MEGF11: variants seen among roughly 807,000 people sequenced by gnomAD.
MEGF11 encodes multiple epidermal growth factor-like domains protein 11.
Under a neutral mutation model 146.6 loss-of-function variants are expected in MEGF11, and 126 were observed. That is an observed-to-expected ratio of 0.86 (90% CI 0.74 to 1.00). The LOEUF is 1.00. MEGF11 is among the 50% of genes least tolerant of loss of function. The pLI is 0.00. For synonymous variants in MEGF11, 532 were observed against 583.4 expected (o/e 0.91, Z 1.27); for missense variants, 1,509 against 1,521.2 (o/e 0.99, Z 0.13).
chr15:66,003,363 C>T (rs1322934799), intron 5 of MEGF11, among the ~76,000 whole-genome samples: 1 of 152,204 alleles, frequency 6.6e-6, no homozygotes, highest in Non-Finnish European at 1.5e-5. Context: ...TTGTCTTTTC[C>T]CTGCCATGTG....
At chr15:65,985,757 G>T (rs1161778419) in intron 5 of MEGF11, among the ~76,000 whole-genome samples, 2 of 151,934 alleles carry the variant, frequency 1.3e-5, no homozygotes, top group African/African-American at 4.8e-5. Context: ...CCCTATTGGG[G>T]TGCACAGTCT....
chr15:65,916,302 G>A (rs113008166), intron 17 of MEGF11, 26 bp from the exon 18 acceptor site: 22 of 1,544,394 alleles, frequency 1.4e-5, no homozygotes, highest in African/African-American at 1.1e-4. Flanking sequence ...TTCCAGTCAC[G>A]AGAGTTGCTG....
intron 1 of MEGF11, among the ~76,000 whole-genome samples, chr15:66,220,770 C>T (rs2091715770): frequency 6.6e-6 from 1 of 152,098 alleles, no homozygotes; most frequent in South Asian, 2.1e-4. Flanking sequence ...CTTCTGGGCT[C>T]AAGTGATCCT....
chr15:65,903,024 A>G (rs747461658), intron 24 of MEGF11, among the ~76,000 whole-genome samples: 1 of 152,114 alleles, frequency 6.6e-6, no homozygotes, highest in Non-Finnish European at 1.5e-5. Context: ...GCTTGCTACT[A>G]TTAATAGAAG....
At chr15:65,999,647 G>C (rs765041622) in intron 5 of MEGF11, among the ~76,000 whole-genome samples, 129 of 152,258 alleles carry the variant, frequency 8.5e-4, no homozygotes, top group Non-Finnish European at 1.5e-3. Flanking sequence ...ATAAAATGGG[G>C]CTCTTGTGTG....
chr15:66,049,817 C>A (rs968490234), intron 5 of MEGF11, among the ~76,000 whole-genome samples: 2 of 152,196 alleles, frequency 1.3e-5, no homozygotes, highest in African/African-American at 4.8e-5. Flanking sequence ...TGCCTTCTGG[C>A]CAAGAACCCA....
intron 1 of MEGF11, among the ~76,000 whole-genome samples, chr15:66,236,063 G>T (rs529760889): frequency 1.3e-5 from 2 of 152,202 alleles, no homozygotes; most frequent in South Asian, 4.1e-4. Context: ...TTCAGGGAAG[G>T]CTTCCTGGAG....
At chr15:66,047,385 C>T (rs745813987) in intron 5 of MEGF11, among the ~76,000 whole-genome samples, 18 of 152,282 alleles carry the variant, frequency 1.2e-4, no homozygotes, top group Admixed American at 5.2e-4. Flanking sequence ...CCTAGCTAGG[C>T]GAGTTACATG....
In MEGF11 at chr15:65,956,713, C is replaced by T. The variant is rs535565709; in HGVS notation, c.1287+834G>A. ...CAATGTCAAGTTCCCCAGAAACAAACCTCATAAAGACCAGCATAATTCATG... is the reference window on the plus strand; with the variant it reads ...CAATGTCAAGTTCCCCAGAAACAAATCTCATAAAGACCAGCATAATTCATG... On this transcript the variant is annotated intron_variant, in intron 10 of 25. Transcript: ENST00000395614. Among the ~76,000 whole-genome samples the T allele has an allele frequency of 2.0e-5, 3 of 152,312 alleles. No individual in the cohort carries two copies. In the South Asian group the frequency reaches 6.2e-4, roughly 32 times the overall value.
At chr15:66,173,743 C>T (rs375025237) in intron 1 of MEGF11, among the ~76,000 whole-genome samples, 13 of 152,284 alleles carry the variant, frequency 8.5e-5, no homozygotes, top group East Asian at 7.7e-4. Context: ...GGGACAACTC[C>T]GAGCCCTGCG....
intron 5 of MEGF11, among the ~76,000 whole-genome samples, chr15:66,046,466 T>C (rs906916659): frequency 4.6e-5 from 7 of 152,230 alleles, no homozygotes; most frequent in Non-Finnish European, 1.0e-4. Flanking sequence ...AGAGCTCAGC[T>C]GAAGCCGAAG....
intron 3 of MEGF11, among the ~76,000 whole-genome samples, chr15:66,120,429 AG>A (rs2087966015): frequency 6.6e-6 from 1 of 152,112 alleles, no homozygotes. Flanking sequence ...TCAGCACCCA[AG>A]GGGAGCTTGC....
chr15:65,912,347 C>T, intron 20 of MEGF11, 147 bp from the exon 21 acceptor site: 1 of 421,512 alleles, frequency 2.4e-6, no homozygotes, highest in East Asian at 3.6e-5. Flanking sequence ...TCCTGGCATC[C>T]ACTACTCCTA....
chr15:65,901,253 G>A (rs1330787207), intron 24 of MEGF11, among the ~76,000 whole-genome samples: 1 of 152,138 alleles, frequency 6.6e-6, no homozygotes, highest in Non-Finnish European at 1.5e-5. Flanking sequence ...AGGCAATAAG[G>A]CACAGAGCTT....
Position 65,916,279 on chromosome 15 carries a change from A to G in MEGF11, c.2216-3T>C, listed in dbSNP as rs377576849. On this transcript the variant is annotated splice_polypyrimidine_tract_variant and splice_region_variant and intron_variant, in intron 17 of 25. Transcript: ENST00000395614. ...CCCAAAAAATGCTGCTGGGCAGCCT[A>G]GAGAAACAGGATTTCCAGTCACGAG... is the stretch of plus-strand genomic sequence containing the variant. 9 of 1,553,720 alleles carry G rather than the reference A, an allele frequency of 5.8e-6. No homozygotes were observed. The highest frequency in any genetic ancestry group is 7.8e-6 in the Non-Finnish European group (9 of 1,148,232).
chr15:65,982,162 C>A lies in MEGF11; in HGVS notation c.641+80G>T. 9 of 1,334,660 alleles carry A rather than the reference C, an allele frequency of 6.7e-6. No individual in the cohort carries two copies. Among genetic ancestry groups the A allele is most frequent in the Non-Finnish European group, 8.0e-6 (8 of 1,003,632 alleles). 82.7% of individuals were successfully genotyped at this position (1,334,660 alleles called of 1,614,324 possible). On this transcript the variant is annotated intron_variant, in intron 6 of 25. Transcript: ENST00000395614. This position sits in a 1 kb window ranked among gnomAD's most constrained non-coding sequence, Gnocchi z 5.6. ...AGGCCCCGCCCCAGCCCCTCCACCT[C>A]CTCTACCCTCCCCACCCAGGCACCC...
chr15:66,185,718 G>A (rs1418053692), intron 1 of MEGF11, among the ~76,000 whole-genome samples: 1 of 152,200 alleles, frequency 6.6e-6, no homozygotes, highest in Non-Finnish European at 1.5e-5. Context: ...AGGTCAGGGG[G>A]CAGTGGGTCA....
At chr15:66,141,289 T>TGTGTGTGTGA (rs1555475806) in intron 1 of MEGF11, among the ~76,000 whole-genome samples, 3 of 101,198 alleles carry the variant, frequency 3.0e-5, no homozygotes, top group African/African-American at 8.1e-5. Context: ...TGTGTGTGTG[T>TGTGTGTGTGA]GAGAGAGAGA....
intron 1 of MEGF11, among the ~76,000 whole-genome samples, chr15:66,169,756 C>T (rs569134623): frequency 1.4e-4 from 21 of 152,354 alleles, no homozygotes; most frequent in South Asian, 8.3e-4. Context: ...TCCTTCTTGA[C>T]CCCGGGTGGT....
Sources: gnomAD v4.1 joint callset for allele counts (sites outside exome capture counted in the v4.1 genomes callset) on GRCh38, gnomAD v4.1.1 for gene constraint, Gnocchi (gnomAD v3.1) non-coding constraint, MANE v1.5 for transcripts, NCBI Gene and HGNC (gene_info 2026-07-23, HGNC 2026-07-21) for gene names.